TMLHE: variants seen among roughly 807,000 people sequenced by gnomAD.
TMLHE encodes trimethyllysine hydroxylase, epsilon.
In TMLHE, 18 loss-of-function variants were observed where a neutral mutation model predicts 25.7. That is an observed-to-expected ratio of 0.70 (90% CI 0.48 to 1.04). The LOEUF (loss-of-function observed/expected upper bound fraction) is 1.04. TMLHE is among the 50% of genes least tolerant of loss of function. TMLHE has a pLI of 0.00. For missense variants in TMLHE, 236 were observed against 259.0 expected, an observed-to-expected ratio of 0.91 and a Z score of 0.61; for synonymous variants, 105 against 97.0, an observed-to-expected ratio of 1.08 and a Z score of -0.49.
intron 1 of TMLHE, among the ~76,000 whole-genome samples, chrX:155,604,285 C>T (rs2067774207): frequency 9.0e-6 from 1 of 111,018 alleles, no homozygotes; most frequent in Non-Finnish European, 1.9e-5. Flanking sequence ...GGGGAAGGAA[C>T]AAAGACCCTG....
chrX:155,505,503 A>G (rs192725064), intron 6 of TMLHE, among the ~76,000 whole-genome samples: 13 of 111,389 alleles, frequency 1.2e-4, no homozygotes, highest in African/African-American at 4.2e-4. Context: ...CTGGAAACTC[A>G]TGACTAGCAG....
Position 155,528,703 on chromosome X carries a change from A to C in TMLHE, c.182-4071T>G, listed in dbSNP as rs138337332. 7.2e-3 allele frequency among the ~76,000 whole-genome samples: 804 copies of C among 111,872 alleles called. 7 individuals are homozygous for C. Among genetic ancestry groups the C allele is most frequent in the African/African-American group, 0.025 (760 of 30,812 alleles). Reference sequence around the variant, plus strand: ...GGCTGAGTAGTATTCCATGGTGTATATATACATTTTCTTTATCCACTTATT... The same window carrying C: ...GGCTGAGTAGTATTCCATGGTGTATCTATACATTTTCTTTATCCACTTATT... On this transcript the variant is annotated intron_variant, in intron 2 of 7. Coordinates refer to ENST00000334398, the MANE Select transcript of TMLHE (RefSeq NM_018196.4).
chrX:155,545,383 T>G, intron 1 of TMLHE, 106 bp from the exon 2 acceptor site: 1 of 647,036 alleles, frequency 1.5e-6, no homozygotes, highest in Non-Finnish European at 2.2e-6. Context: ...GATTTAATGA[T>G]CTCAATACAG....
intron 1 of TMLHE, among the ~76,000 whole-genome samples, chrX:155,584,773 C>T (rs1306100299): frequency 4.5e-5 from 5 of 111,401 alleles, no homozygotes; most frequent in Admixed American, 3.8e-4. Flanking sequence ...GCAACGTTTT[C>T]ACTCATAAAT....
intron 1 of TMLHE, among the ~76,000 whole-genome samples, chrX:155,552,469 A>G (rs889322306): frequency 3.7e-4 from 41 of 109,506 alleles, no homozygotes; most frequent in African/African-American, 1.4e-3. Flanking sequence ...CTAGGAATCT[A>G]TGTATTTTAT....
intron 2 of TMLHE, among the ~76,000 whole-genome samples, chrX:155,544,349 T>C (rs782200321): frequency 5.4e-5 from 6 of 111,976 alleles, no homozygotes; most frequent in Non-Finnish European, 1.1e-4. Context: ...CTGCTATCTT[T>C]ATAAAGAGAA....
At chrX:155,552,784 C>A (rs2067423611) in intron 1 of TMLHE, among the ~76,000 whole-genome samples, 1 of 109,998 alleles carries the variant, frequency 9.1e-6, no homozygotes, top group East Asian at 2.8e-4. Flanking sequence ...TTTTCCAATT[C>A]CCTGAGATGG....
At chrX:155,516,107 G>A (rs1173895421) in intron 3 of TMLHE, among the ~76,000 whole-genome samples, 9 of 45,995 alleles carry the variant, frequency 2.0e-4, no homozygotes, top group Non-Finnish European at 3.7e-4. Flanking sequence ...ATGCTGGTGC[G>A]CTGCACCCAC....
chrX:155,509,887 A>T (rs1394946959), intron 5 of TMLHE, among the ~76,000 whole-genome samples: 1 of 111,974 alleles, frequency 8.9e-6, no homozygotes, highest in Non-Finnish European at 1.9e-5. Context: ...AGGTGCCTCT[A>T]CTGAAGAGCA....
At position 155,554,705 on chromosome X, in the gene TMLHE, T is replaced by C. The variant is rs140228843; in HGVS notation, c.-1-9428A>G. Among the ~76,000 whole-genome samples, 131 of 109,901 alleles carry C rather than the reference T, an allele frequency of 1.2e-3. No individual in the cohort carries two copies. In the East Asian group the frequency reaches 0.025, roughly 21 times the overall value. On this transcript the variant is annotated intron_variant, in intron 1 of 7. Transcript: ENST00000334398. ...TTTCTAAGATGACCTCCAGTTACCC[T>C]TGCTGTTGTAAAATCTTTTCCCCTG... is the stretch of plus-strand genomic sequence containing the variant.
At chrX:155,543,541 GA>G (rs782283951) in intron 2 of TMLHE, among the ~76,000 whole-genome samples, 19 of 111,828 alleles carry the variant, frequency 1.7e-4, no homozygotes, top group Middle Eastern at 9.2e-3. Flanking sequence ...ACAAATAAAT[GA>G]AAAAAATTCC....
chrX:155,544,746 A>G (rs782105393), intron 2 of TMLHE, among the ~76,000 whole-genome samples: 1 of 110,466 alleles, frequency 9.1e-6, no homozygotes, highest in South Asian at 3.9e-4. Context: ...TAGGTAAGAC[A>G]GGGAGATGGA....
intron 5 of TMLHE, among the ~76,000 whole-genome samples, chrX:155,510,093 G>A (rs1358290537): frequency 9.0e-6 from 1 of 111,029 alleles, no homozygotes; most frequent in African/African-American, 3.3e-5. Context: ...CTAAATGCAA[G>A]AAATCTGTAC....
intron 1 of TMLHE, among the ~76,000 whole-genome samples, chrX:155,580,893 T>A (rs56119045): frequency 9.0e-6 from 1 of 111,339 alleles, no homozygotes; most frequent in Non-Finnish European, 1.9e-5. Flanking sequence ...TAGACCAATA[T>A]CCCTAATGAA....
chrX:155,514,742 G>T, intron 3 of TMLHE, among the ~76,000 whole-genome samples: 1 of 111,168 alleles, frequency 9.0e-6, no homozygotes, highest in African/African-American at 3.3e-5. Flanking sequence ...ACTATAGGTG[G>T]AACTAGAACC....
chrX:155,537,705 C>T (rs1557337771), intron 2 of TMLHE, among the ~76,000 whole-genome samples: 1 of 110,730 alleles, frequency 9.0e-6, no homozygotes, highest in African/African-American at 3.3e-5. Context: ...AATCAATTCC[C>T]TGCAAACATT....
chrX:155,562,788 A>G (rs1172942474), intron 1 of TMLHE, among the ~76,000 whole-genome samples: 1 of 61,607 alleles, frequency 1.6e-5, no homozygotes, highest in African/African-American at 3.6e-5. Flanking sequence ...TCCACCAGAT[A>G]CCCTAAATCA....
chrX:155,580,591 A>C (rs1187164731), intron 1 of TMLHE, among the ~76,000 whole-genome samples: 1 of 112,062 alleles, frequency 8.9e-6, no homozygotes, highest in Non-Finnish European at 1.9e-5. Flanking sequence ...CATACCTGAG[A>C]CTCAACAATT....
intron 1 of TMLHE, among the ~76,000 whole-genome samples, chrX:155,565,830 G>C (rs1308504165): frequency 1.6e-5 from 1 of 62,140 alleles, no homozygotes; most frequent in African/African-American, 3.6e-5. Flanking sequence ...CTTGCCCTTT[G>C]GGGGGTAGCC....
Sources: allele counts gnomAD v4.1 joint callset (sites outside exome capture counted in the v4.1 genomes callset), GRCh38; gene constraint gnomAD v4.1.1; transcripts MANE v1.5; gene names NCBI Gene and HGNC (gene_info 2026-07-23, HGNC 2026-07-21).